GPM6B: variants seen among roughly 807,000 people sequenced by gnomAD.
The protein encoded by GPM6B is glycoprotein M6B.
In GPM6B, 4 loss-of-function variants were observed where a neutral mutation model predicts 27.2. The observed-to-expected ratio is 0.15, with a 90% CI of 0.07 to 0.34. GPM6B has a LOEUF of 0.34. Ranked by LOEUF, GPM6B falls within the 10% of genes least tolerant of loss-of-function variation. The pLI is 1.00. For missense variants in GPM6B, 183 were observed against 261.9 expected, an observed-to-expected ratio of 0.70 and a Z score of 2.08; for synonymous variants, 124 against 103.1, an observed-to-expected ratio of 1.20 and a Z score of -1.23.
At position 13,808,267 on chromosome X, in the gene GPM6B, G is replaced by A. The variant is rs1376175983; in HGVS notation, c.62-498C>T. 3.6e-5 allele frequency among the ~76,000 whole-genome samples: 4 copies of A among 112,165 alleles called. No homozygotes were observed. In the East Asian group the frequency reaches 1.1e-3, roughly 31 times the overall value. On this transcript the variant is annotated intron_variant, in intron 1 of 7. Coordinates refer to ENST00000316715, the MANE Select transcript of GPM6B (RefSeq NM_001001995.3). ...ATGAAATGCTTGTCCTCCCATTGAC[G>A]TCTGCAGTATTGTCTGTCACCTTAT...
intron 1 of GPM6B, among the ~76,000 whole-genome samples, chrX:13,864,263 A>G (rs888548767): frequency 8.8e-6 from 1 of 112,999 alleles, no homozygotes; most frequent in African/African-American, 3.2e-5. Context: ...ATAGATCTGC[A>G]GTGTCTTATT....
chrX:13,924,024 A>C (rs901968779), intron 1 of GPM6B, among the ~76,000 whole-genome samples: 1 of 112,050 alleles, frequency 8.9e-6, no homozygotes, highest in Non-Finnish European at 1.9e-5. Flanking sequence ...TTTATCCGTA[A>C]CGTTTTCCAC....
At chrX:13,900,690 G>A (rs1297664957) in intron 1 of GPM6B, among the ~76,000 whole-genome samples, 1 of 112,052 alleles carries the variant, frequency 8.9e-6, no homozygotes, top group African/African-American at 3.2e-5. Flanking sequence ...AGAACTATCT[G>A]CCTGCTATAT....
intron 2 of GPM6B, among the ~76,000 whole-genome samples, chrX:13,799,450 C>T (rs759116569): frequency 2.8e-5 from 3 of 106,560 alleles, no homozygotes; most frequent in African/African-American, 1.0e-4. Flanking sequence ...CCAGACTGGT[C>T]TCAAACTCCT....
chrX:13,918,221 C>T (rs1032997860), intron 1 of GPM6B, among the ~76,000 whole-genome samples: 19 of 113,098 alleles, frequency 1.7e-4, no homozygotes, highest in Non-Finnish European at 3.4e-4. Flanking sequence ...CACTGTAGCC[C>T]CTGCACTTGC....
intron 1 of GPM6B, among the ~76,000 whole-genome samples, chrX:13,844,445 T>C (rs188316807): frequency 8.9e-6 from 1 of 112,651 alleles, no homozygotes; most frequent in Non-Finnish European, 1.9e-5. Flanking sequence ...AGTGCCTTCA[T>C]CTTCTGACAG....
At chrX:13,817,508 A>G (rs925073927), upstream of GPM6B, among the ~76,000 whole-genome samples, 2 of 112,638 alleles carry the variant, frequency 1.8e-5, no homozygotes, top group African/African-American at 3.2e-5. Context: ...ATGTCTTTGC[A>G]TAGGCATGAC....
chrX:13,870,115 G>T (rs943517253), intron 1 of GPM6B, among the ~76,000 whole-genome samples: 6 of 111,999 alleles, frequency 5.4e-5, no homozygotes, highest in Non-Finnish European at 1.1e-4. Flanking sequence ...TCACTTGGAA[G>T]GAAACCAGAG....
intron 1 of GPM6B, among the ~76,000 whole-genome samples, chrX:13,809,915 CAAAA>C (rs750794950): frequency 4.1e-5 from 2 of 48,296 alleles, no homozygotes; most frequent in Non-Finnish European, 7.1e-5. Context: ...CCAGCCTGGG[CAAAA>C]AAAAAAAAAA....
At chrX:13,925,109 T>C (rs184200940) in intron 1 of GPM6B, among the ~76,000 whole-genome samples, 139 of 111,848 alleles carry the variant, frequency 1.2e-3, no homozygotes, top group Middle Eastern at 4.6e-3. Context: ...TAGCCCATGA[T>C]GCATCCCATA....
At chrX:13,870,467 C>T (rs536154591) in intron 1 of GPM6B, among the ~76,000 whole-genome samples, 1 of 111,959 alleles carries the variant, frequency 8.9e-6, no homozygotes, top group South Asian at 3.7e-4. Flanking sequence ...TGATAGTGGC[C>T]GGGATAGACA....
At chrX:13,827,360 G>C (rs2049387440) in intron 1 of GPM6B, among the ~76,000 whole-genome samples, 1 of 101,115 alleles carries the variant, frequency 9.9e-6, no homozygotes, top group African/African-American at 3.7e-5. Flanking sequence ...ATGGATCACT[G>C]CAGCCTCAAA....
chrX:13,844,306 T>A (rs1339455952), intron 1 of GPM6B, among the ~76,000 whole-genome samples: 1 of 112,669 alleles, frequency 8.9e-6, no homozygotes, highest in Non-Finnish European at 1.9e-5. Context: ...TTTGGCTATT[T>A]TGGCATTGCC....
chrX:13,854,964 C>T (rs2049763237), intron 1 of GPM6B, among the ~76,000 whole-genome samples: 1 of 110,992 alleles, frequency 9.0e-6, no homozygotes, highest in Non-Finnish European at 1.9e-5. Context: ...GTGGATATAA[C>T]CATGTAGCCA....
At chrX:13,830,544 A>G (rs768741196) in intron 1 of GPM6B, among the ~76,000 whole-genome samples, 14 of 112,277 alleles carry the variant, frequency 1.2e-4, no homozygotes, top group Non-Finnish European at 2.1e-4. Flanking sequence ...AAATCAAAAC[A>G]ATTGAGTTAA....
chrX:13,834,630 T>C (rs1569245207), intron 1 of GPM6B, among the ~76,000 whole-genome samples: 1 of 111,330 alleles, frequency 9.0e-6, no homozygotes, highest in East Asian at 2.8e-4. Context: ...ATGAAGGCAA[T>C]AAAACTCTGG....
At chrX:13,775,445 C>T (rs1226011955) in intron 7 of GPM6B, among the ~76,000 whole-genome samples, 1 of 112,407 alleles carries the variant, frequency 8.9e-6, no homozygotes, top group African/African-American at 3.2e-5. Context: ...TTTAGTGCCA[C>T]GTTTTTCACA....
chrX:13,782,774 GA>G (rs5901518), intron 4 of GPM6B, among the ~76,000 whole-genome samples: 220 of 90,094 alleles, frequency 2.4e-3, no homozygotes, highest in South Asian at 3.3e-3. Context: ...AAAAAAAAAA[GA>G]AAAAAAAAAA....
chrX:13,938,072 C>CGGCGGGGCGG (rs1482016326), intron 1 of GPM6B, among the ~76,000 whole-genome samples: 2 of 109,766 alleles, frequency 1.8e-5, no homozygotes, highest in Admixed American at 1.9e-4. Flanking sequence ...AACAGAAGCA[C>CGGCGGGGCGG]GGCGGGGCGG....
Sources: allele counts gnomAD v4.1 joint callset (sites outside exome capture counted in the v4.1 genomes callset), GRCh38; gene constraint gnomAD v4.1.1; transcripts MANE v1.5; gene names NCBI Gene and HGNC (gene_info 2026-07-23, HGNC 2026-07-21).